The following FARS2 variants were observed in gnomAD, a reference collection of about 807,000 sequenced individuals.
FARS2 encodes phenylalanyl-tRNA synthetase 2, mitochondrial, also known as phenylalanine--tRNA ligase, mitochondrial.
A neutral mutation model predicts 46.4 loss-of-function variants in FARS2; 40 were observed. The ratio of observed to expected loss-of-function variants is 0.86; its 90% CI spans 0.67 to 1.12. The LOEUF (loss-of-function observed/expected upper bound fraction) is 1.12, where lower values mean the gene tolerates loss of function less well. Ranked by LOEUF, FARS2 falls within the 50% of genes most tolerant of loss-of-function variation. The pLI, the probability that FARS2 is intolerant of heterozygous loss-of-function variation, is 0.00. For synonymous variants in FARS2, 234 were observed against 214.9 expected (o/e 1.09, Z -0.78); for missense variants, 513 against 567.9 (o/e 0.90, Z 0.98).
chr6:5,542,530 C>T (rs769372170), intron 4 of FARS2, among the ~76,000 whole-genome samples: 11 of 152,116 alleles, frequency 7.2e-5, no homozygotes, highest in Non-Finnish European at 1.6e-4. Flanking sequence ...GAAACCATTC[C>T]GTCCATTATG....
chr6:5,524,281 G>A (rs77465845), intron 4 of FARS2, among the ~76,000 whole-genome samples: 16,722 of 152,286 alleles, frequency 0.11, 996 homozygotes, highest in Admixed American at 0.16. Flanking sequence ...AGGATGAAGG[G>A]CATATGTGGG....
At chr6:5,276,382 T>C (rs1766336362) in intron 1 of FARS2, among the ~76,000 whole-genome samples, 1 of 152,202 alleles carries the variant, frequency 6.6e-6, no homozygotes, top group Admixed American at 6.5e-5. Context: ...GATAATCACA[T>C]AATTTATTTC....
intron 5 of FARS2, among the ~76,000 whole-genome samples, chr6:5,607,894 G>T (rs987670389): frequency 1.4e-4 from 21 of 150,782 alleles, no homozygotes; most frequent in Non-Finnish European, 2.7e-4. Flanking sequence ...ATACAATAAA[G>T]AATTGTGACC....
intron 4 of FARS2, among the ~76,000 whole-genome samples, chr6:5,514,678 T>C (rs1173861386): frequency 6.6e-6 from 1 of 152,166 alleles, no homozygotes; most frequent in East Asian, 1.9e-4. Context: ...TCCACTACAG[T>C]CTTATACTGA....
At chr6:5,310,185 G>A (rs1768988989) in intron 1 of FARS2, among the ~76,000 whole-genome samples, 1 of 152,006 alleles carries the variant, frequency 6.6e-6, no homozygotes, top group African/African-American at 2.4e-5. Context: ...GGAAACAAGA[G>A]TAAACAAAAT....
intron 5 of FARS2, among the ~76,000 whole-genome samples, chr6:5,562,788 CTTTTCTTTTTTCT>C (rs964412013): frequency 2.0e-5 from 3 of 146,506 alleles, no homozygotes; most frequent in African/African-American, 5.0e-5. Context: ...CATTTCTTTT[CTTTTCTTTTTTCT>C]TTTTCTTTTT....
At position 5,431,043 on chromosome 6, in the gene FARS2, C is replaced by T. The variant is rs746201644; in HGVS notation, c.775C>T (p.Leu259=). The change falls in exon 4 of 7, where the codon CTG becomes TTG. Residue 259 remains leucine, a splice_region_variant and synonymous_variant. Transcript: ENST00000274680. ...RLMAHLFGDE[L]EIRWVDCYFP... Reference sequence around the variant, plus strand: ...TTGTTTCTTTGGCAACTTTGCAGAGCTGGAGATAAGATGGGTAGACTGCTA... The same window carrying T: ...TTGTTTCTTTGGCAACTTTGCAGAGTTGGAGATAAGATGGGTAGACTGCTA... 3.0e-5 allele frequency: 49 copies of T among 1,613,088 alleles called. No homozygotes were observed. The highest frequency in any genetic ancestry group is 1.2e-4 in the African/African-American group (9 of 74,868).
chr6:5,302,015 A>G (rs901145997), intron 1 of FARS2, among the ~76,000 whole-genome samples: 5 of 152,058 alleles, frequency 3.3e-5, no homozygotes, highest in African/African-American at 9.7e-5. Flanking sequence ...TTGGTCATTT[A>G]TCTTCTTAGC....
intron 4 of FARS2, among the ~76,000 whole-genome samples, chr6:5,508,809 G>A (rs373630842): frequency 6.6e-6 from 1 of 152,204 alleles, no homozygotes. Context: ...TATCCCGCAC[G>A]GAGAGGTGGA....
At chr6:5,350,727 C>A (rs930400104) in intron 1 of FARS2, among the ~76,000 whole-genome samples, 1 of 152,008 alleles carries the variant, frequency 6.6e-6, no homozygotes, top group Admixed American at 6.6e-5. Context: ...GTGTCAATGT[C>A]CTGGTTGTGA....
At chr6:5,566,725 A>C (rs1159342331) in intron 5 of FARS2, among the ~76,000 whole-genome samples, 2 of 152,254 alleles carry the variant, frequency 1.3e-5, no homozygotes, top group Non-Finnish European at 2.9e-5. Context: ...ACTTTTAGTT[A>C]AGCTGGGCAC....
intron 4 of FARS2, among the ~76,000 whole-genome samples, chr6:5,488,237 G>T (rs1582248289): frequency 6.6e-6 from 1 of 151,842 alleles, no homozygotes; most frequent in East Asian, 1.9e-4. Context: ...AAACTTCAAG[G>T]AAAAAAGTAC....
At chr6:5,371,075 A>C in intron 2 of FARS2, 1 of 406,746 alleles carries the variant, frequency 2.5e-6, no homozygotes, top group Non-Finnish European at 3.3e-6. Flanking sequence ...GCTCTTCTGA[A>C]TTCATTGCCT....
rs997584428 is a variant in FARS2, at chr6:5,663,702, A to G, written c.1217+50382A>G. On this transcript the variant is annotated intron_variant, in intron 6 of 6. Transcript: ENST00000274680. ...CCATGGCAGATTTGTCATTCGTCCC[A>G]GTCCAGCTATTTAGAATCATTTTTC... 3.9e-5 allele frequency among the ~76,000 whole-genome samples: 6 copies of G among 152,344 alleles called. No homozygotes were observed. In the South Asian group the frequency reaches 1.2e-3, roughly 32 times the overall value.
intron 6 of FARS2, among the ~76,000 whole-genome samples, chr6:5,735,995 C>T (rs1760920190): frequency 1.3e-5 from 2 of 152,194 alleles, no homozygotes; most frequent in African/African-American, 4.8e-5. Flanking sequence ...GAATGAATTA[C>T]CCCCCAAAAC....
In FARS2 at chr6:5,634,334, G is replaced by A. The variant is rs191043875; in HGVS notation, c.1217+21014G>A. Among the ~76,000 whole-genome samples, 689 of 152,154 alleles carry A rather than the reference G, an allele frequency of 4.5e-3. 2 individuals carry two copies. Among genetic ancestry groups the A allele is most frequent in the African/African-American group, 0.016 (661 of 41,524 alleles). ...ATTTTTATTTTTGAGACAGAGTCTC[G>A]CTCTGTCACCCAGGCTGGAGGGCAG... On this transcript the variant is annotated intron_variant, in intron 6 of 6. Transcript: ENST00000274680.
At chr6:5,689,689 G>C (rs1475464498) in intron 6 of FARS2, among the ~76,000 whole-genome samples, 2 of 152,036 alleles carry the variant, frequency 1.3e-5, no homozygotes, top group Admixed American at 6.5e-5. Context: ...ATTTGGGGTG[G>C]TGAGTTCTGT....
At chr6:5,593,296 G>GC (rs145102482) in intron 5 of FARS2, among the ~76,000 whole-genome samples, 13,636 of 146,106 alleles carry the variant, frequency 0.093, 1,137 homozygotes, top group African/African-American at 0.25. Context: ...TGCACCTCCC[G>GC]CCCCCACCGG....
chr6:5,767,751 GGT>G (rs1762828145), intron 6 of FARS2, among the ~76,000 whole-genome samples: 1 of 152,176 alleles, frequency 6.6e-6, no homozygotes, highest in South Asian at 2.1e-4. Flanking sequence ...AACAGTAACG[GGT>G]GTACAAAACT....
Sources: gnomAD v4.1 joint callset for allele counts (sites outside exome capture counted in the v4.1 genomes callset) on GRCh38, gnomAD v4.1.1 for gene constraint, MANE v1.5 for transcripts, NCBI Gene and HGNC (gene_info 2026-07-23, HGNC 2026-07-21) for gene names.